The following SGCZ variants were observed in gnomAD, a reference collection of about 807,000 sequenced individuals.
SGCZ encodes the protein sarcoglycan zeta.
Under a neutral mutation model 41.3 loss-of-function variants are expected in SGCZ, and 40 were observed. The ratio of observed to expected loss-of-function variants is 0.97; its 90% CI spans 0.75 to 1.26. SGCZ has a LOEUF of 1.26. Among genes scored for constraint, SGCZ ranks in the 50% most tolerant of loss-of-function variants. The pLI is 0.00. For missense variants in SGCZ, 552 were observed against 369.8 expected, an observed-to-expected ratio of 1.49 and a Z score of -4.04; for synonymous variants, 206 against 137.5, an observed-to-expected ratio of 1.50 and a Z score of -3.49.
chr8:14,967,949 C>T (rs887262314), intron 1 of SGCZ, among the ~76,000 whole-genome samples: 6 of 152,122 alleles, frequency 3.9e-5, no homozygotes, highest in Non-Finnish European at 8.8e-5. Context: ...ATTATTTTCA[C>T]ATATAAAGTG....
chr8:14,215,014 G>A (rs1039187949), intron 4 of SGCZ, among the ~76,000 whole-genome samples: 15 of 152,050 alleles, frequency 9.9e-5, no homozygotes, highest in African/African-American at 3.4e-4. Flanking sequence ...ATCAAACAAT[G>A]GGACCTCATT....
At chr8:14,129,932 C>G (rs1445368192) in intron 5 of SGCZ, among the ~76,000 whole-genome samples, 1 of 152,064 alleles carries the variant, frequency 6.6e-6, no homozygotes, top group Non-Finnish European at 1.5e-5. Flanking sequence ...TCTTCAGATT[C>G]AATGCAATCC....
At chr8:14,999,984 A>C (rs1476230614) in intron 1 of SGCZ, among the ~76,000 whole-genome samples, 1 of 152,152 alleles carries the variant, frequency 6.6e-6, no homozygotes, top group African/African-American at 2.4e-5. Flanking sequence ...CACTCTCAGG[A>C]CTAGAATGTG....
chr8:14,821,800 A>T (rs1051108804), intron 1 of SGCZ, among the ~76,000 whole-genome samples: 2 of 152,122 alleles, frequency 1.3e-5, no homozygotes, highest in African/African-American at 4.8e-5. Flanking sequence ...CAAATTAGGT[A>T]TAAATGGCAA....
At chr8:14,723,880 G>A (rs1809969639) in intron 1 of SGCZ, among the ~76,000 whole-genome samples, 1 of 151,960 alleles carries the variant, frequency 6.6e-6, no homozygotes, top group Admixed American at 6.6e-5. Flanking sequence ...AAATAGAGTG[G>A]TAGTGGTTCC....
intron 1 of SGCZ, among the ~76,000 whole-genome samples, chr8:15,019,255 G>T (rs967561868): frequency 6.6e-6 from 1 of 152,198 alleles, no homozygotes; most frequent in African/African-American, 2.4e-5. Flanking sequence ...TCAGCAAGGG[G>T]CTATGGTTGT....
chr8:14,401,227 C>G lies in SGCZ; in HGVS notation c.235-77023G>C, dbSNP rs114169853. Among the ~76,000 whole-genome samples the G allele has an allele frequency of 9.6e-3, 1,468 of 152,164 alleles. 30 individuals are homozygous for G. Among genetic ancestry groups the G allele is most frequent in the African/African-American group, 0.033 (1,375 of 41,524 alleles). On this transcript the variant is annotated intron_variant, in intron 2 of 7. Coordinates refer to ENST00000382080, the MANE Select transcript of SGCZ (RefSeq NM_139167.4). ...ATGCATATCAATAAAACACATAGGT[C>G]ATAATCAATACTTAACTCAAATATA... is the stretch of plus-strand genomic sequence containing the variant.
intron 2 of SGCZ, among the ~76,000 whole-genome samples, chr8:14,464,486 A>ATTTTT (rs35544350): frequency 7.4e-6 from 1 of 135,932 alleles, no homozygotes; most frequent in African/African-American, 2.6e-5. Context: ...TTTGAGTGGT[A>ATTTTT]TTTTTTTTTT....
intron 4 of SGCZ, among the ~76,000 whole-genome samples, chr8:14,215,819 G>C (rs768748348): frequency 6.6e-6 from 1 of 152,198 alleles, no homozygotes; most frequent in Non-Finnish European, 1.5e-5. Context: ...CCTTAAATAA[G>C]AGTGTGTAAT....
intron 2 of SGCZ, among the ~76,000 whole-genome samples, chr8:14,474,092 T>C (rs1801290374): frequency 6.6e-6 from 1 of 152,144 alleles, no homozygotes; most frequent in Non-Finnish European, 1.5e-5. Flanking sequence ...TCAACAGAAA[T>C]AGAATCTTTC....
chr8:14,932,554 A>G (rs1303621367), intron 1 of SGCZ, among the ~76,000 whole-genome samples: 2 of 152,014 alleles, frequency 1.3e-5, no homozygotes, highest in Non-Finnish European at 2.9e-5. Context: ...CAGAATTACT[A>G]TTATACTCTA....
intron 1 of SGCZ, among the ~76,000 whole-genome samples, chr8:15,079,450 AAGATGAAAT>A (rs1405730155): frequency 6.6e-6 from 1 of 152,188 alleles, no homozygotes; most frequent in East Asian, 1.9e-4. Flanking sequence ...TGCTAACTAT[AAGATGAAAT>A]TATTTTTTCT....
chr8:15,142,724 ACCTCAG>A (rs1798925275), intron 1 of SGCZ, among the ~76,000 whole-genome samples: 1 of 147,962 alleles, frequency 6.8e-6, no homozygotes, highest in South Asian at 2.1e-4. Flanking sequence ...TCATCCTCCA[ACCTCAG>A]CCTCCCGAGT....
At chr8:14,790,829 G>A (rs1180385362) in intron 1 of SGCZ, among the ~76,000 whole-genome samples, 1 of 151,966 alleles carries the variant, frequency 6.6e-6, no homozygotes, top group Non-Finnish European at 1.5e-5. Flanking sequence ...TCAGGAGTTG[G>A]AGACCAACCT....
At chr8:14,143,680 A>G (rs1295430212) in intron 5 of SGCZ, among the ~76,000 whole-genome samples, 3 of 152,150 alleles carry the variant, frequency 2.0e-5, no homozygotes, top group African/African-American at 7.2e-5. Flanking sequence ...CAAAAATCAT[A>G]TGAGCACTCA....
At chr8:15,232,649 G>GTA (rs1322989534) in intron 1 of SGCZ, among the ~76,000 whole-genome samples, 17 of 141,940 alleles carry the variant, frequency 1.2e-4, no homozygotes, top group South Asian at 4.5e-4. Flanking sequence ...ATATGTGTGT[G>GTA]TATATATATA....
At chr8:14,700,036 A>C (rs529261747) in intron 1 of SGCZ, among the ~76,000 whole-genome samples, 28 of 152,188 alleles carry the variant, frequency 1.8e-4, no homozygotes, top group African/African-American at 6.7e-4. Context: ...CCACTGTGGA[A>C]AACAGATTGG....
intron 4 of SGCZ, among the ~76,000 whole-genome samples, chr8:14,187,466 T>A (rs1804942951): frequency 6.6e-6 from 1 of 152,142 alleles, no homozygotes; most frequent in Admixed American, 6.5e-5. Context: ...TTTTGAAGAA[T>A]TAAATGCAGG....
At chr8:14,390,308 A>T (rs1804724377) in intron 2 of SGCZ, among the ~76,000 whole-genome samples, 1 of 151,760 alleles carries the variant, frequency 6.6e-6, no homozygotes. Context: ...TATTTTGTTT[A>T]ATAATTTCAT....
Sources: allele counts gnomAD v4.1 joint callset (sites outside exome capture counted in the v4.1 genomes callset), GRCh38; gene constraint gnomAD v4.1.1; transcripts MANE v1.5; gene names NCBI Gene and HGNC (gene_info 2026-07-23, HGNC 2026-07-21).